SLC6A7: variants seen among roughly 807,000 people sequenced by gnomAD.
SLC6A7 encodes the protein solute carrier family 6 member 7.
SLC6A7 carries 58 observed loss-of-function variants against 73.1 expected under a neutral mutation model. That is an observed-to-expected ratio of 0.79 (90% CI 0.64 to 0.99). SLC6A7 has a LOEUF of 0.99. SLC6A7 is among the 50% of genes least tolerant of loss of function. SLC6A7 has a pLI of 0.00. For missense variants in SLC6A7, 783 were observed against 831.4 expected, an observed-to-expected ratio of 0.94 and a Z score of 0.72; for synonymous variants, 338 against 338.7, an observed-to-expected ratio of 1.00 and a Z score of 0.02.
chr5:150,198,119 A>AAG (rs1489707892), intron 4 of SLC6A7, among the ~76,000 whole-genome samples: 19 of 50,396 alleles, frequency 3.8e-4, no homozygotes, highest in Admixed American at 2.2e-3. Flanking sequence ...AAGAAAGAGA[A>AAG]AGAAAGAAAG....
At chr5:150,203,606 G>A in intron 8 of SLC6A7, 61 bp from the exon 9 acceptor site, 5 of 827,222 alleles carry the variant, frequency 6.0e-6, no homozygotes, top group South Asian at 1.4e-5. Context: ...GTGTGTCTGA[G>A]TGTGCGTATG....
At position 150,210,544 on chromosome 5, in the gene SLC6A7, A is replaced by T. The variant is rs1753925584; in HGVS notation, c.*929A>T. 1 of 152,468 alleles carries T rather than the reference A, an allele frequency of 6.6e-6. No individual in the cohort carries two copies. Among genetic ancestry groups the T allele is most frequent in the South Asian group, 2.1e-4 (1 of 4,840 alleles). The allele number at this position is 152,468 out of a possible 1,614,324, so 9.4% of individuals were successfully genotyped here. On this transcript the variant is annotated 3_prime_UTR_variant, in exon 14 of 14. Transcript: ENST00000230671. Reference sequence around the variant, plus strand: ...GGGTGCTGGGGCTGCGGGTGGGGAAAGGAGGCCCCAGCACTTCAGACAAAG... The same window carrying T: ...GGGTGCTGGGGCTGCGGGTGGGGAATGGAGGCCCCAGCACTTCAGACAAAG...
Position 150,204,646 on chromosome 5 carries a change from G to A in SLC6A7, c.1432+15G>A, listed in dbSNP as rs1753584813. The A allele has an allele frequency of 2.5e-6, 4 of 1,577,390 alleles. No individual in the cohort carries two copies. Among genetic ancestry groups the A allele is most frequent in the Non-Finnish European group, 3.5e-6 (4 of 1,146,428 alleles). On this transcript the variant is annotated intron_variant, in intron 11 of 13. Transcript: ENST00000230671. Reference sequence around the variant, plus strand: ...ACGGGTGTATGGTGAGAAGAGCCGTGGGAAGTGGAGTCGAGCTCTCCGCAG... The same window carrying A: ...ACGGGTGTATGGTGAGAAGAGCCGTAGGAAGTGGAGTCGAGCTCTCCGCAG...
rs910965192 is a variant in SLC6A7, at chr5:150,209,473, T to C, written c.1769T>C (p.Met590Thr). The change falls in exon 14 of 14, where the codon ATG (methionine) becomes ACG (threonine). Residue 590 changes from methionine to threonine, a missense_variant. By Grantham distance (81) the Met-to-Thr change is moderately conservative. Transcript: ENST00000230671. ...TCGCTGGAGGAGAACCGGACGGGCA[T>C]GTATGTGGCCACGCTGGCTGGGAGC... The part of the protein sequence containing the change: ...GPSLEENRTG[M>T]YVATLAGSQS... The C allele has an allele frequency of 6.2e-6, 10 of 1,614,020 alleles. No homozygotes were observed. The East Asian group carries it at 2.0e-4, about 32-fold the overall frequency.
chr5:150,201,679 T>G (rs1753390751), intron 6 of SLC6A7, among the ~76,000 whole-genome samples: 1 of 152,168 alleles, frequency 6.6e-6, no homozygotes, highest in Non-Finnish European at 1.5e-5. Flanking sequence ...GTCATACAGC[T>G]AGGGGATCGA....
chr5:150,197,325 G>A (rs1284345088), intron 4 of SLC6A7, 49 bp downstream of exon 4: 1 of 1,301,066 alleles, frequency 7.7e-7, no homozygotes, highest in African/African-American at 1.5e-5. Flanking sequence ...CTGCACTGCT[G>A]AGGGTGGCCA....
In SLC6A7 at chr5:150,198,094, A is replaced by G. The variant is rs534562999; in HGVS notation, c.584+818A>G. Among the ~76,000 whole-genome samples the G allele has an allele frequency of 4.6e-3, 499 of 107,406 alleles. 5 individuals are homozygous for G. The highest frequency in any genetic ancestry group is 0.015 in the Middle Eastern group (3 of 206). The allele number at this position is 107,406 out of a possible 152,430, so 70.5% of individuals were successfully genotyped here. On this transcript the variant is annotated intron_variant, in intron 4 of 13. Coordinates refer to ENST00000230671, the MANE Select transcript of SLC6A7 (RefSeq NM_014228.5). ...AAGAAAGAAAGAAAGAAAGAAAGAA[A>G]GAAAGAAAGAAAGAAAGAAAGAGAA...
intron 13 of SLC6A7, among the ~76,000 whole-genome samples, chr5:150,207,862 G>C (rs972012643): frequency 6.6e-6 from 1 of 152,064 alleles, no homozygotes; most frequent in Non-Finnish European, 1.5e-5. Flanking sequence ...TAGGCCAGGG[G>C]TTCTCACAGG....
chr5:150,202,526 G>A (rs1753436489), intron 7 of SLC6A7, 53 bp from the exon 8 acceptor site: 9 of 1,611,354 alleles, frequency 5.6e-6, no homozygotes, highest in Non-Finnish European at 7.6e-6. Context: ...GGGCCTCAGA[G>A]GCTGAAAGGA....
Position 150,203,430 on chromosome 5 carries a change from G to A in SLC6A7, c.1088-237G>A, listed in dbSNP as rs757724471. On this transcript the variant is annotated intron_variant, in intron 8 of 13. Coordinates refer to ENST00000230671, the MANE Select transcript of SLC6A7 (RefSeq NM_014228.5). ...ATTGTATACATAAGTATATTTCAATGAGGTTTTATATTGGGGTCTTGTGTT... is the reference window on the plus strand; with the variant it reads ...ATTGTATACATAAGTATATTTCAATAAGGTTTTATATTGGGGTCTTGTGTT... 6.6e-5 allele frequency among the ~76,000 whole-genome samples: 10 copies of A among 152,322 alleles called. No individual in the cohort carries two copies. The South Asian group carries it at 1.4e-3, about 22-fold the overall frequency.
rs1326603145 is a variant in SLC6A7, at chr5:150,210,175, G to T, written c.*560G>T. 3 of 159,996 alleles carry T rather than the reference G, an allele frequency of 1.9e-5. No homozygotes were observed. Among genetic ancestry groups the T allele is most frequent in the Non-Finnish European group, 2.8e-5 (2 of 72,228 alleles). 9.9% of individuals were successfully genotyped at this position (159,996 alleles called of 1,614,324 possible). ...GGGAGAAAGATCCCTGGGGGCTCCT[G>T]TATGCAGGACTCCTGAAGGAGGTGG... is the stretch of plus-strand genomic sequence containing the variant. On this transcript the variant is annotated 3_prime_UTR_variant, in exon 14 of 14. Coordinates refer to ENST00000230671, the MANE Select transcript of SLC6A7 (RefSeq NM_014228.5).
intron 2 of SLC6A7, among the ~76,000 whole-genome samples, chr5:150,196,052 A>G (rs983401756): frequency 6.6e-6 from 1 of 152,198 alleles, no homozygotes; most frequent in Non-Finnish European, 1.5e-5. Context: ...ATGAATCTAT[A>G]CAGAATTGCA....
chr5:150,205,889 G>A (rs1366122930), intron 13 of SLC6A7, among the ~76,000 whole-genome samples: 4 of 152,164 alleles, frequency 2.6e-5, no homozygotes, highest in Non-Finnish European at 4.4e-5. Context: ...TGGGTTGGGG[G>A]TGTGTCAGGT....
rs778925984 is a variant in SLC6A7 at position 150,204,921 on chromosome 5, G to C, written c.1527G>C (p.Thr509=). The change falls in exon 12 of 14, where the codon ACG becomes ACC. Residue 509 remains threonine, a synonymous_variant. Transcript: ENST00000230671. ...RACWLFLSPA[T]LLALMVYSIV... ...GCTGGCTGTTCCTGTCCCCAGCCAC[G>C]CTCTTGGTAACTGGGGAGGGCGGGA... 16 of 1,313,488 alleles carry C rather than the reference G, an allele frequency of 1.2e-5. No homozygotes were observed. Among genetic ancestry groups the C allele is most frequent in the Non-Finnish European group, 1.7e-5 (15 of 907,964 alleles). The allele number at this position is 1,313,488 out of a possible 1,614,324, so 81.4% of individuals were successfully genotyped here.
chr5:150,204,427 G>A (rs1206344943), intron 10 of SLC6A7, 105 bp from the exon 11 acceptor site: 9 of 878,970 alleles, frequency 1.0e-5, no homozygotes, highest in Non-Finnish European at 1.7e-5. Context: ...CTGTCATCTT[G>A]TGCTGTCAGC....
chr5:150,196,831 C>T lies in SLC6A7; in HGVS notation c.333C>T (p.Ile111=). 2 of 1,614,052 alleles carry T rather than the reference C, an allele frequency of 1.2e-6. No homozygotes were observed. Among genetic ancestry groups the T allele is most frequent in the Non-Finnish European group, 1.7e-6 (2 of 1,179,940 alleles). Residue 111 remains isoleucine, a synonymous_variant, in exon 3 of 14, where the codon ATC becomes ATT. Transcript: ENST00000230671. ...SSLGPLAVWK[I]SPLFKGAGAA... ...TAGGGCCCCTGGCTGTCTGGAAAAT[C>T]AGCCCTCTCTTCAAAGGTGAGGCCT...
chr5:150,192,051 A>G (rs1752813877), intron 1 of SLC6A7, among the ~76,000 whole-genome samples: 1 of 151,766 alleles, frequency 6.6e-6, no homozygotes, highest in Non-Finnish European at 1.5e-5. Flanking sequence ...GGTTGGTTCT[A>G]GGTTGCTACC....
At position 150,198,450 on chromosome 5, in the gene SLC6A7, A is replaced by G. The variant is rs933817880; in HGVS notation, c.585-778A>G. On this transcript the variant is annotated intron_variant, in intron 4 of 13. Coordinates refer to ENST00000230671, the MANE Select transcript of SLC6A7 (RefSeq NM_014228.5). ...CATCTGAAGTGTCCGCACCTGCTGAAGAGTTTATCTGACCAGTGGGAAAGA... is the reference window on the plus strand; with the variant it reads ...CATCTGAAGTGTCCGCACCTGCTGAGGAGTTTATCTGACCAGTGGGAAAGA... Among the ~76,000 whole-genome samples, 57 of 152,330 alleles carry G rather than the reference A, an allele frequency of 3.7e-4. 1 individual carries two copies. Among genetic ancestry groups the G allele is most frequent in the Admixed American group, 1.8e-3 (27 of 15,302 alleles).
At chr5:150,190,628 G>C (rs2113962026) in intron 1 of SLC6A7, among the ~76,000 whole-genome samples, 1 of 152,304 alleles carries the variant, frequency 6.6e-6, no homozygotes, top group South Asian at 2.1e-4. Flanking sequence ...GCAGTCCCCG[G>C]AGGCGCGGGG....
Sources: allele counts gnomAD v4.1 joint callset (sites outside exome capture counted in the v4.1 genomes callset), GRCh38; gene constraint gnomAD v4.1.1; transcripts MANE v1.5; gene names NCBI Gene and HGNC (gene_info 2026-07-23, HGNC 2026-07-21).